The following PHKA2 variants were observed in gnomAD, a reference collection of about 807,000 sequenced individuals.
The protein encoded by PHKA2 is phosphorylase kinase regulatory subunit alpha 2.
In PHKA2, 31 loss-of-function variants were observed where a neutral mutation model predicts 102.0. That is an observed-to-expected ratio of 0.30 (90% CI 0.23 to 0.41). The LOEUF (loss-of-function observed/expected upper bound fraction) is 0.41. PHKA2 is among the 10% of genes least tolerant of loss of function. The pLI is 1.00. For missense variants in PHKA2, 858 were observed against 1,023.1 expected (o/e 0.84, Z 2.20); for synonymous variants, 455 against 416.2 (o/e 1.09, Z -1.13).
At chrX:18,957,738 T>TTATATATATATA (rs748964864) in intron 1 of PHKA2, among the ~76,000 whole-genome samples, 1,034 of 95,058 alleles carry the variant, frequency 0.011, 15 homozygotes, top group African/African-American at 0.023. Context: ...TAAAACCAGA[T>TTATATATATATA]TATATATATA....
chrX:18,895,431 T>C, intron 30 of PHKA2: 7 of 421,984 alleles, frequency 1.7e-5, no homozygotes, highest in Non-Finnish European at 3.0e-5. Flanking sequence ...CCCCGAACAA[T>C]GCCCTAGGGG....
chrX:18,922,223 G>A (rs1197755355), intron 17 of PHKA2, among the ~76,000 whole-genome samples: 2 of 110,888 alleles, frequency 1.8e-5, no homozygotes, highest in Non-Finnish European at 3.8e-5. Context: ...TCCAGCCTGG[G>A]CAACAAGAGT....
At chrX:18,895,054 G>T in intron 31 of PHKA2, 84 bp downstream of exon 31, 1 of 905,800 alleles carries the variant, frequency 1.1e-6, no homozygotes. Context: ...AGCCCAAAAG[G>T]AGCACAAGAG....
At chrX:18,965,321 G>T (rs1458584358) in intron 1 of PHKA2, among the ~76,000 whole-genome samples, 3 of 111,902 alleles carry the variant, frequency 2.7e-5, no homozygotes, top group African/African-American at 9.7e-5. Flanking sequence ...AGCTCAGGGG[G>T]GCTGTCAGTT....
intron 1 of PHKA2, among the ~76,000 whole-genome samples, chrX:18,969,116 TAA>T (rs60452088): frequency 9.2e-5 from 9 of 97,359 alleles, no homozygotes; most frequent in African/African-American, 1.5e-4. Flanking sequence ...TCTGTATATT[TAA>T]AAAAAAAAAA....
chrX:18,909,405 A>T (rs1442393564), intron 20 of PHKA2, among the ~76,000 whole-genome samples: 1 of 112,070 alleles, frequency 8.9e-6, no homozygotes, highest in Non-Finnish European at 1.9e-5. Flanking sequence ...CATTGGAAAA[A>T]TTGTAGTTTC....
In PHKA2 at chrX:18,945,120, C is replaced by T. The variant is rs1189355767; in HGVS notation, c.576G>A (p.Gln192=). 1 of 1,201,457 alleles carries T rather than the reference C, an allele frequency of 8.3e-7. No homozygotes were observed. Among genetic ancestry groups the T allele is most frequent in the African/African-American group, 1.8e-5 (1 of 56,987 alleles). Residue 192 remains glutamine, a synonymous_variant, in exon 6 of 33, where the codon CAG becomes CAA. Transcript: ENST00000379942. ...GMWERGDKTN[Q]GIPELNASSV... ...AGCTTGCATTCAATTCCGGGATGCC[C>T]TGATTAGTCTTATCTCCACGCTCCC...
chrX:18,939,299 CT>C (rs929476427), intron 9 of PHKA2, among the ~76,000 whole-genome samples: 2 of 111,154 alleles, frequency 1.8e-5, no homozygotes, highest in African/African-American at 6.6e-5. Context: ...CCTCAGCCTC[CT>C]GAGTTGCTAG....
intron 8 of PHKA2, among the ~76,000 whole-genome samples, chrX:18,940,904 C>T (rs965367405): frequency 1.8e-5 from 2 of 111,752 alleles, no homozygotes; most frequent in Non-Finnish European, 3.8e-5. Context: ...CCCACTGAAC[C>T]CTGACTGAGA....
chrX:18,935,778 T>G, intron 11 of PHKA2, among the ~76,000 whole-genome samples: 1 of 94,822 alleles, frequency 1.1e-5, no homozygotes, highest in South Asian at 4.9e-4. Flanking sequence ...AATTTTTGTA[T>G]TTTTTTTTTT....
chrX:18,946,341 C>T lies in PHKA2; in HGVS notation c.538-1183G>A, dbSNP rs775181325. Among the ~76,000 whole-genome samples the T allele has an allele frequency of 3.5e-3, 385 of 111,526 alleles. 1 individual carries two copies. Among genetic ancestry groups the T allele is most frequent in the African/African-American group, 0.012 (371 of 30,682 alleles). On this transcript the variant is annotated intron_variant, in intron 5 of 32. Coordinates refer to ENST00000379942, the MANE Select transcript of PHKA2 (RefSeq NM_000292.3). ...TTCCCTTGAGCACTCTTCTCATCTG[C>T]GCCTTCCTGCAGCCCAACCCACCTT...
chrX:18,894,040 C>A, intron 32 of PHKA2, 164 bp downstream of exon 32: 1 of 522,783 alleles, frequency 1.9e-6, no homozygotes, highest in South Asian at 2.8e-5. Flanking sequence ...CTTGAGATTT[C>A]CCAAGTGGCC....
At chrX:18,945,251 C>A in intron 5 of PHKA2, 93 bp from the exon 6 acceptor site, 1 of 559,078 alleles carries the variant, frequency 1.8e-6, no homozygotes, top group Non-Finnish European at 3.2e-6. Context: ...TGCAGCCACA[C>A]TGAAACATAA....
At chrX:18,947,276 G>C (rs1020055588) in intron 5 of PHKA2, among the ~76,000 whole-genome samples, 1 of 112,200 alleles carries the variant, frequency 8.9e-6, no homozygotes, top group African/African-American at 3.2e-5. Context: ...CCTTCCTTTA[G>C]ACCATAGTGG....
At chrX:18,905,653 G>A in intron 26 of PHKA2, 105 bp downstream of exon 26, 1 of 594,550 alleles carries the variant, frequency 1.7e-6, no homozygotes, top group Non-Finnish European at 3.0e-6. Context: ...TCAGGTAGGA[G>A]CCTTCTCTTC....
chrX:18,940,362 C>A (rs757345793), intron 8 of PHKA2, among the ~76,000 whole-genome samples: 18 of 111,806 alleles, frequency 1.6e-4, no homozygotes, highest in South Asian at 7.5e-4. Flanking sequence ...AGGACCCTCA[C>A]TATTTAGAAA....
intron 20 of PHKA2, among the ~76,000 whole-genome samples, 187 bp downstream of exon 20, chrX:18,910,685 T>A (rs184850994): frequency 5.5e-4 from 62 of 112,110 alleles, no homozygotes; most frequent in African/African-American, 1.8e-3. Flanking sequence ...TACATATTGA[T>A]GCAAGTCAGA....
At chrX:18,941,128 G>A (rs749820644) in intron 8 of PHKA2, among the ~76,000 whole-genome samples, 15 of 112,274 alleles carry the variant, frequency 1.3e-4, no homozygotes, top group Non-Finnish European at 2.3e-4. Context: ...TCAAAACAGG[G>A]ATTATTTTAA....
At chrX:18,909,366 T>C (rs941583792) in intron 20 of PHKA2, among the ~76,000 whole-genome samples, 3 of 111,734 alleles carry the variant, frequency 2.7e-5, no homozygotes, top group Non-Finnish European at 3.8e-5. Flanking sequence ...ATATGCCAGA[T>C]TGGTATATTG....
Sources: gnomAD v4.1 joint callset for allele counts (sites outside exome capture counted in the v4.1 genomes callset) on GRCh38, gnomAD v4.1.1 for gene constraint, MANE v1.5 for transcripts, NCBI Gene and HGNC (gene_info 2026-07-23, HGNC 2026-07-21) for gene names.